The following ARHGEF7 variants were observed in gnomAD, a reference collection of about 807,000 sequenced individuals.
ARHGEF7 encodes the protein Rho guanine nucleotide exchange factor 7.
ARHGEF7 carries 33 observed loss-of-function variants against 109.8 expected under a neutral mutation model. The ratio of observed to expected loss-of-function variants is 0.30; its 90% confidence interval spans 0.23 to 0.40. The LOEUF is 0.40. Ranked by LOEUF, ARHGEF7 falls within the 10% of genes least tolerant of loss-of-function variation. The probability of loss-of-function intolerance (pLI) is 1.00; values close to 1 mark genes in which losing one functional copy is unlikely to be tolerated. For missense variants in ARHGEF7, 938 were observed against 1,098.5 expected, an observed-to-expected ratio of 0.85 and a Z score of 2.07; for synonymous variants, 458 against 424.6, an observed-to-expected ratio of 1.08 and a Z score of -0.97.
intron 6 of ARHGEF7, among the ~76,000 whole-genome samples, chr13:111,235,887 A>C (rs1408123677): frequency 1.3e-5 from 2 of 152,220 alleles, no homozygotes; most frequent in East Asian, 3.8e-4. Flanking sequence ...AAAGGGTAAG[A>C]CTGGTGTGGA....
intron 8 of ARHGEF7, among the ~76,000 whole-genome samples, chr13:111,254,430 G>GCCTCA (rs2090177574): frequency 7.4e-6 from 1 of 135,004 alleles, no homozygotes; most frequent in Admixed American, 7.1e-5. Context: ...ATGAAGGCCG[G>GCCTCA]GCTCAGAAGA....
intron 18 of ARHGEF7, among the ~76,000 whole-genome samples, chr13:111,289,331 G>A (rs1436401199): frequency 6.6e-6 from 1 of 152,236 alleles, no homozygotes; most frequent in Non-Finnish European, 1.5e-5. Flanking sequence ...ACAGTGCTCG[G>A]CCCTAAGGTG....
At chr13:111,140,029 T>C (rs550696167) in intron 1 of ARHGEF7, among the ~76,000 whole-genome samples, 2 of 152,358 alleles carry the variant, frequency 1.3e-5, no homozygotes, top group East Asian at 3.9e-4. Flanking sequence ...ATTCTCACAT[T>C]AGACCAACTA....
intron 2 of ARHGEF7, among the ~76,000 whole-genome samples, chr13:111,163,226 G>A (rs1166142909): frequency 1.3e-5 from 2 of 152,196 alleles, no homozygotes; most frequent in East Asian, 3.8e-4. Context: ...TTTGTAGGTA[G>A]TTTAAAGAAA....
intron 2 of ARHGEF7, among the ~76,000 whole-genome samples, chr13:111,197,619 G>C (rs190971615): frequency 8.5e-4 from 129 of 151,726 alleles, no homozygotes; most frequent in African/African-American, 3.0e-3. Context: ...GATGCCTTTT[G>C]TCCTCACTTA....
intron 2 of ARHGEF7, among the ~76,000 whole-genome samples, chr13:111,174,495 CT>C (rs1401633915): frequency 6.6e-6 from 1 of 152,192 alleles, no homozygotes; most frequent in African/African-American, 2.4e-5. Flanking sequence ...CTTGCTCTTC[CT>C]TCACCTTTCT....
intron 2 of ARHGEF7, among the ~76,000 whole-genome samples, chr13:111,154,883 T>C (rs1439048242): frequency 6.6e-6 from 1 of 152,068 alleles, no homozygotes; most frequent in Non-Finnish European, 1.5e-5. Context: ...TTCTTATCTG[T>C]AAACTGAGAT....
chr13:111,265,962 G>A (rs967208652), intron 8 of ARHGEF7, among the ~76,000 whole-genome samples: 1 of 152,234 alleles, frequency 6.6e-6, no homozygotes, highest in African/African-American at 2.4e-5. Flanking sequence ...TGTGCTTATC[G>A]GTGGGGACAG....
chr13:111,281,910 A>G (rs1274612976), intron 15 of ARHGEF7, among the ~76,000 whole-genome samples: 1 of 152,102 alleles, frequency 6.6e-6, no homozygotes, highest in Non-Finnish European at 1.5e-5. Flanking sequence ...CTGTGATCCA[A>G]CTCTGACCAG....
intron 2 of ARHGEF7, among the ~76,000 whole-genome samples, chr13:111,195,889 C>T (rs2080441519): frequency 6.6e-6 from 1 of 152,186 alleles, no homozygotes; most frequent in African/African-American, 2.4e-5. Context: ...TTTCTCTGAT[C>T]TCGCTTTTCC....
At chr13:111,197,972 C>A (rs1191056058) in intron 2 of ARHGEF7, among the ~76,000 whole-genome samples, 2 of 151,680 alleles carry the variant, frequency 1.3e-5, no homozygotes, top group African/African-American at 4.9e-5. Flanking sequence ...ACTTGGGCGA[C>A]ATAACTTTGA....
chr13:111,123,426 G>A (rs182463015), intron 1 of ARHGEF7, among the ~76,000 whole-genome samples: 71 of 152,226 alleles, frequency 4.7e-4, no homozygotes, highest in African/African-American at 1.6e-3. Flanking sequence ...CAGCAGGCCC[G>A]GACCAGGCTG....
chr13:111,125,429 A>G (rs2067496866), intron 1 of ARHGEF7, among the ~76,000 whole-genome samples: 1 of 142,434 alleles, frequency 7.0e-6, no homozygotes, highest in African/African-American at 2.6e-5. Context: ...TCTTTTCTCT[A>G]TAGAAGCTAT....
intron 10 of ARHGEF7, 64 bp downstream of exon 10, chr13:111,274,016 C>T (rs1447537830): frequency 1.9e-6 from 3 of 1,561,830 alleles, no homozygotes; most frequent in Non-Finnish European, 1.8e-6. Context: ...GTCAGACTTA[C>T]TGTGAAAGAA....
intron 19 of ARHGEF7, 61 bp downstream of exon 19, chr13:111,292,355 C>A (rs1310300010): frequency 6.2e-7 from 1 of 1,601,066 alleles, no homozygotes; most frequent in African/African-American, 1.3e-5. Context: ...CTTTTCTTAA[C>A]AAATGCTTGT....
chr13:111,299,795 G>A (rs1238531806), intron 19 of ARHGEF7, among the ~76,000 whole-genome samples: 1 of 152,296 alleles, frequency 6.6e-6, no homozygotes, highest in South Asian at 2.1e-4. Context: ...CCAGCAAGCG[G>A]AAGCACTGTA....
chr13:111,154,037 G>A lies in ARHGEF7; in HGVS notation c.252+46G>A, dbSNP rs1309259655. 2.6e-6 allele frequency: 4 copies of A among 1,553,698 alleles called. No homozygotes were observed. The South Asian group carries it at 4.7e-5, about 18-fold the overall frequency. Reference sequence around the variant, plus strand: ...GCCGAGGGAGGGGCCGGGAAGACGGGGTTGGGCCCGGGGTGGGTGCTTCGC... The same window carrying A: ...GCCGAGGGAGGGGCCGGGAAGACGGAGTTGGGCCCGGGGTGGGTGCTTCGC... On this transcript the variant is annotated intron_variant, in intron 2 of 21. Coordinates refer to ENST00000646102, the MANE Select transcript of ARHGEF7 (RefSeq NM_001354046.2).
At chr13:111,277,254 T>C (rs2092541674) in intron 12 of ARHGEF7, among the ~76,000 whole-genome samples, 1 of 152,198 alleles carries the variant, frequency 6.6e-6, no homozygotes, top group Admixed American at 6.5e-5. Flanking sequence ...TTTAACCAAA[T>C]ATAGTTTCAA....
intron 9 of ARHGEF7, among the ~76,000 whole-genome samples, chr13:111,267,913 G>GT (rs1413026887): frequency 6.7e-6 from 1 of 149,454 alleles, no homozygotes; most frequent in African/African-American, 2.5e-5. Flanking sequence ...TGGCTAATAG[G>GT]TTGAAGGGGT....
Sources: gnomAD v4.1 joint callset for allele counts (sites outside exome capture counted in the v4.1 genomes callset) on GRCh38, gnomAD v4.1.1 for gene constraint, MANE v1.5 for transcripts, NCBI Gene and HGNC (gene_info 2026-07-23, HGNC 2026-07-21) for gene names.